The following RB1CC1 variants were observed in gnomAD, a reference collection of about 807,000 sequenced individuals.
RB1CC1 encodes the protein RB1-inducible coiled-coil protein 1.
RB1CC1 carries 46 observed loss-of-function variants against 177.5 expected under a neutral mutation model. The ratio of observed to expected loss-of-function variants is 0.26; its 90% confidence interval spans 0.20 to 0.33. RB1CC1 has a LOEUF of 0.33. RB1CC1 is among the 10% of genes least tolerant of loss of function. The pLI is 1.00. For synonymous variants in RB1CC1, 666 were observed against 613.6 expected (o/e 1.09, Z -1.26); for missense variants, 1,703 against 1,816.3 (o/e 0.94, Z 1.13).
At chr8:52,682,940 C>G (rs938191213) in intron 5 of RB1CC1, among the ~76,000 whole-genome samples, 1 of 152,054 alleles carries the variant, frequency 6.6e-6, no homozygotes, top group Non-Finnish European at 1.5e-5. Flanking sequence ...AGCTAATGTT[C>G]AGTAATGTTA....
Position 52,658,871 on chromosome 8 carries a change from A to G in RB1CC1, c.1793+2T>C. On this transcript the variant is annotated splice_donor_variant, in intron 13 of 23. Coordinates refer to ENST00000025008, the MANE Select transcript of RB1CC1 (RefSeq NM_014781.5). LOFTEE classifies it high-confidence loss of function. ...TTAACTGAAAATACTAATGACATTT[A>G]CCTGAGGAATGGCTGAACTTCCGAA... 1 of 1,549,102 alleles carries G rather than the reference A, an allele frequency of 6.5e-7. No homozygotes were observed. Among genetic ancestry groups the G allele is most frequent in the Non-Finnish European group, 8.8e-7 (1 of 1,139,850 alleles).
chr8:52,667,475 A>C (rs890802793), intron 8 of RB1CC1, among the ~76,000 whole-genome samples: 2 of 152,208 alleles, frequency 1.3e-5, no homozygotes, highest in Non-Finnish European at 2.9e-5. Flanking sequence ...TGGTGGGTGA[A>C]GGACAGGCAA....
In RB1CC1 at chr8:52,658,199, A is replaced by G. The variant is rs983199539; in HGVS notation, c.1794-75T>C. On this transcript the variant is annotated intron_variant, in intron 13 of 23. Coordinates refer to ENST00000025008, the MANE Select transcript of RB1CC1 (RefSeq NM_014781.5). ...TAGATAACTGCTACCAAATATTTTAATATGTCAAAAATAACAAGAGCCTTA... is the reference window on the plus strand; with the variant it reads ...TAGATAACTGCTACCAAATATTTTAGTATGTCAAAAATAACAAGAGCCTTA... The G allele has an allele frequency of 5.0e-6, 7 of 1,409,528 alleles. No individual in the cohort carries two copies. The African/African-American group carries it at 8.7e-5, about 18-fold the overall frequency. The allele number at this position is 1,409,528 out of a possible 1,614,324, so 87.3% of individuals were successfully genotyped here.
chr8:52,700,715 T>A (rs986997766), intron 1 of RB1CC1, among the ~76,000 whole-genome samples: 4 of 152,164 alleles, frequency 2.6e-5, no homozygotes, highest in African/African-American at 9.7e-5. Context: ...ACACTAAATA[T>A]GCTTTACTAA....
chr8:52,635,926 T>C (rs1014265818), intron 19 of RB1CC1, 89 bp downstream of exon 19: 2 of 1,447,682 alleles, frequency 1.4e-6, no homozygotes, highest in East Asian at 2.4e-5. Context: ...TAAACACAAA[T>C]AGTCTATTGT....
intron 8 of RB1CC1, among the ~76,000 whole-genome samples, chr8:52,664,995 T>C (rs969673607): frequency 6.6e-6 from 1 of 151,980 alleles, no homozygotes; most frequent in Non-Finnish European, 1.5e-5. Flanking sequence ...AAAGAAAAAG[T>C]AGAGAGAGAA....
In RB1CC1 at chr8:52,622,757, AGT is replaced by A. The variant is rs1848143287; in HGVS notation, c.*1023_*1024del. Reference sequence around the variant, plus strand: ...CATAACACTGTTTACCCTGTTACATAGTATATAGTTAAAGAACATTTTTGTAA... The same window carrying A: ...CATAACACTGTTTACCCTGTTACATAATATAGTTAAAGAACATTTTTGTAA... On this transcript the variant is annotated 3_prime_UTR_variant, in exon 24 of 24. Coordinates refer to ENST00000025008, the MANE Select transcript of RB1CC1 (RefSeq NM_014781.5). 3.3e-5 allele frequency: 5 copies of A among 152,052 alleles called. No homozygotes were observed. The highest frequency in any genetic ancestry group is 1.2e-4 in the African/African-American group (5 of 41,408). The allele number at this position is 152,052 out of a possible 1,614,324, so 9.4% of individuals were successfully genotyped here. A position where few individuals can be genotyped will look rare whatever the true frequency, so the allele number is the denominator to read the frequency against.
At chr8:52,630,946 G>A (rs915849354) in intron 20 of RB1CC1, among the ~76,000 whole-genome samples, 4 of 152,152 alleles carry the variant, frequency 2.6e-5, no homozygotes, top group African/African-American at 9.7e-5. Context: ...GCAGAAGGCT[G>A]CTGCTCACAG....
intron 16 of RB1CC1, among the ~76,000 whole-genome samples, chr8:52,645,041 G>C (rs1590952547): frequency 6.6e-6 from 1 of 152,210 alleles, no homozygotes; most frequent in East Asian, 1.9e-4. Context: ...ATTGTAATTA[G>C]TTGCTGTCCG....
chr8:52,676,791 G>GTTT (rs747517155), intron 5 of RB1CC1, among the ~76,000 whole-genome samples: 8 of 152,190 alleles, frequency 5.3e-5, no homozygotes, highest in Non-Finnish European at 1.2e-4. Flanking sequence ...ACAGTCAAAA[G>GTTT]AAGAATCCAT....
chr8:52,704,856 C>T (rs936365702), intron 1 of RB1CC1, among the ~76,000 whole-genome samples: 2 of 152,130 alleles, frequency 1.3e-5, no homozygotes, highest in Non-Finnish European at 2.9e-5. Flanking sequence ...CAAATAGTCA[C>T]GATTTCCTAA....
chr8:52,659,111 A>G, intron 12 of RB1CC1, 135 bp from the exon 13 acceptor site: 1 of 470,398 alleles, frequency 2.1e-6, no homozygotes, highest in South Asian at 5.1e-5. Flanking sequence ...AAGAAACAAA[A>G]AAAGACCATT....
At chr8:52,661,063 T>C (rs1563398049) in intron 10 of RB1CC1, 32 bp downstream of exon 10, 1 of 1,611,664 alleles carries the variant, frequency 6.2e-7, no homozygotes, top group Non-Finnish European at 8.5e-7. Context: ...TTAAAGTTCA[T>C]ATACAGTTAA....
At chr8:52,666,257 G>C (rs943274502) in intron 8 of RB1CC1, among the ~76,000 whole-genome samples, 1 of 151,906 alleles carries the variant, frequency 6.6e-6, no homozygotes, top group African/African-American at 2.4e-5. Flanking sequence ...TGGGCGCCGT[G>C]GCTCACACCT....
chr8:52,708,111 T>C (rs1031123257), intron 1 of RB1CC1, among the ~76,000 whole-genome samples: 5 of 152,228 alleles, frequency 3.3e-5, no homozygotes, highest in Non-Finnish European at 7.3e-5. Context: ...TTTATTTTTG[T>C]AGCAGTATCA....
chr8:52,628,056 G>A lies in RB1CC1; in HGVS notation c.4612C>T (p.Leu1538=). ...CCACCCTCACCTGGTTTGAGATCCA[G>A]GGCAGGTAGAGACTCTGAATGTAGA... ...YFLHSESLPA[L]DLKPGEGASG... Residue 1538 remains leucine (L), a synonymous_variant, in exon 22 of 24, where the codon CTG becomes TTG. Transcript: ENST00000025008. 6.2e-7 allele frequency: 1 copy of A among 1,603,032 alleles called. No homozygotes were observed. Among genetic ancestry groups the A allele is most frequent in the Non-Finnish European group, 8.5e-7 (1 of 1,174,708 alleles).
intron 1 of RB1CC1, among the ~76,000 whole-genome samples, chr8:52,708,980 G>C (rs942469666): frequency 6.6e-6 from 1 of 152,142 alleles, no homozygotes; most frequent in Non-Finnish European, 1.5e-5. Flanking sequence ...GGCAGAGGCG[G>C]ACAGATCACC....
Position 52,624,355 on chromosome 8 carries a change from C to A in RB1CC1, c.4707+362G>T, listed in dbSNP as rs1413513674. Reference sequence around the variant, plus strand: ...TTACACTACCTTTCTTCAATGGGGGCAGAGTATGAAAATAATAAAAGATCA... The same window carrying A: ...TTACACTACCTTTCTTCAATGGGGGAAGAGTATGAAAATAATAAAAGATCA... On this transcript the variant is annotated intron_variant, in intron 23 of 23. Transcript: ENST00000025008. Among the ~76,000 whole-genome samples the A allele has an allele frequency of 2.6e-5, 4 of 151,826 alleles. No homozygotes were observed. The East Asian group carries it at 7.7e-4, about 29-fold the overall frequency.
intron 1 of RB1CC1, among the ~76,000 whole-genome samples, chr8:52,702,882 A>G (rs772856737): frequency 6.6e-6 from 1 of 152,318 alleles, no homozygotes; most frequent in East Asian, 1.9e-4. Context: ...AATATTCCCA[A>G]AATGTTCTCT....
Sources: allele counts gnomAD v4.1 joint callset (sites outside exome capture counted in the v4.1 genomes callset), GRCh38; gene constraint gnomAD v4.1.1; transcripts MANE v1.5; gene names NCBI Gene and HGNC (gene_info 2026-07-23, HGNC 2026-07-21).